PIAS2: variants seen among roughly 807,000 people sequenced by gnomAD.
PIAS2 encodes protein inhibitor of activated STAT 2.
A neutral mutation model predicts 69.7 loss-of-function variants in PIAS2; 19 were observed. That is an observed-to-expected ratio of 0.27 (90% CI 0.19 to 0.40). The LOEUF is 0.40. Ranked by LOEUF, PIAS2 falls within the 10% of genes least tolerant of loss-of-function variation. The pLI is 1.00. For synonymous variants in PIAS2, 261 were observed against 263.2 expected (o/e 0.99, Z 0.08); for missense variants, 624 against 757.0 (o/e 0.82, Z 2.06).
chr18:46,909,584 A>G (rs79655167), intron 1 of PIAS2, among the ~76,000 whole-genome samples: 2,314 of 152,358 alleles, frequency 0.015, 83 homozygotes, highest in East Asian at 0.14. Context: ...AGTAGATGTT[A>G]GCAAGAAAGC....
chr18:46,905,302 T>C (rs1302596204), intron 1 of PIAS2, among the ~76,000 whole-genome samples: 2 of 151,560 alleles, frequency 1.3e-5, no homozygotes, highest in African/African-American at 2.4e-5. Flanking sequence ...CAACGGAAAA[T>C]AGAAAAATAC....
chr18:46,900,997 TAAGG>T (rs1450689245), intron 1 of PIAS2: 1 of 387,936 alleles, frequency 2.6e-6, no homozygotes, highest in Non-Finnish European at 4.9e-6. Flanking sequence ...AAAATAAAAA[TAAGG>T]AAGAACTAAC....
At position 46,855,997 on chromosome 18, in the gene PIAS2, G is replaced by GTTTTTTTTTTTT. The variant is rs1171297653; in HGVS notation, c.585-394_585-383dup. 2.4e-4 allele frequency among the ~76,000 whole-genome samples: 16 copies of GTTTTTTTTTTTT among 67,962 alleles called. 3 individuals are homozygous for GTTTTTTTTTTTT. The highest frequency in any genetic ancestry group is 2.9e-4 in the Non-Finnish European group (11 of 37,730). The allele number at this position is 67,962 out of a possible 152,430, so 44.6% of individuals were successfully genotyped here. A position where few individuals can be genotyped will look rare whatever the true frequency, so the allele number is the denominator to read the frequency against. Reference sequence around the variant, plus strand: ...TTGAAGACTTTTTTCTTTTTCTTTTGTTTTTTTTTTTTTTTTTTTTTTTTT... The same window carrying GTTTTTTTTTTTT: ...TTGAAGACTTTTTTCTTTTTCTTTTGTTTTTTTTTTTTTTTTTTTTTTTTTTTTTTTTTTTTT... On this transcript the variant is annotated intron_variant, in intron 3 of 13. Coordinates refer to ENST00000585916, the MANE Select transcript of PIAS2 (RefSeq NM_004671.5).
chr18:46,818,130 A>G (rs1233074673), intron 12 of PIAS2: 1 of 1,078,738 alleles, frequency 9.3e-7, no homozygotes, highest in African/African-American at 1.6e-5. Flanking sequence ...TGTGAAATTG[A>G]CTCATTAGAT....
intron 9 of PIAS2, among the ~76,000 whole-genome samples, chr18:46,833,886 T>C (rs1018303726): frequency 2.6e-5 from 4 of 152,308 alleles, no homozygotes; most frequent in Admixed American, 2.6e-4. Flanking sequence ...TGGTTGAGAA[T>C]AATCTGGGTG....
intron 1 of PIAS2, chr18:46,908,072 A>C (rs1023920524): frequency 3.3e-5 from 5 of 152,158 alleles, no homozygotes; most frequent in African/African-American, 1.2e-4. Context: ...TCATCCAGCT[A>C]TAATTTCATT....
Position 46,806,253 on chromosome 18 carries a change from AC to A in PIAS2, c.*6179del, listed in dbSNP as rs1292174391. The A allele has an allele frequency of 1.3e-5, 2 of 151,278 alleles. No homozygotes were observed. The highest frequency in any genetic ancestry group is 1.3e-4 in the Admixed American group (2 of 15,152). The allele number at this position is 151,278 out of a possible 1,614,324, so 9.4% of individuals were successfully genotyped here. On this transcript the variant is annotated 3_prime_UTR_variant, in exon 14 of 14. Transcript: ENST00000585916. ...CTGTGACCTTGGGAAACTTACCTAA[AC>A]CTGTTTCATTTGTAAAATGGGGAAT...
intron 11 of PIAS2, among the ~76,000 whole-genome samples, chr18:46,823,466 T>C (rs1381760035): frequency 6.6e-6 from 1 of 152,190 alleles, no homozygotes; most frequent in African/African-American, 2.4e-5. Flanking sequence ...CCCTGACCCT[T>C]TGACTTACAT....
chr18:46,816,406 C>CA, intron 12 of PIAS2: 1 of 984,658 alleles, frequency 1.0e-6, no homozygotes, highest in Non-Finnish European at 1.2e-6. Context: ...CAAGCTATAG[C>CA]ACCAATCATT....
intron 3 of PIAS2, among the ~76,000 whole-genome samples, chr18:46,863,492 T>A (rs1393638096): frequency 6.6e-5 from 10 of 152,048 alleles, no homozygotes; most frequent in African/African-American, 2.4e-4. Context: ...AGAGACAGGG[T>A]TTCACCATGT....
Position 46,896,143 on chromosome 18 carries a change from T to C in PIAS2, c.25-5089A>G, listed in dbSNP as rs145833666. On this transcript the variant is annotated intron_variant, in intron 1 of 13. Transcript: ENST00000585916. ...ATAAACCAAAAGGGCTGGGGAAGCATTACAGGATAAAAAGAAAAAAGCAAA... is the reference window on the plus strand; with the variant it reads ...ATAAACCAAAAGGGCTGGGGAAGCACTACAGGATAAAAAGAAAAAAGCAAA... 1.4e-3 allele frequency among the ~76,000 whole-genome samples: 176 copies of C among 125,066 alleles called. 2 individuals carry two copies. In the East Asian group the frequency reaches 0.037, roughly 26 times the overall value. The allele number at this position is 125,066 out of a possible 152,430, so 82.0% of individuals were successfully genotyped here.
chr18:46,835,309 G>C (rs2044272744), intron 9 of PIAS2, among the ~76,000 whole-genome samples: 1 of 152,172 alleles, frequency 6.6e-6, no homozygotes, highest in Non-Finnish European at 1.5e-5. Context: ...GAGGTTCTTT[G>C]TGCTAGTGTT....
At chr18:46,822,910 A>G (rs947436272) in intron 11 of PIAS2, among the ~76,000 whole-genome samples, 2 of 152,094 alleles carry the variant, frequency 1.3e-5, no homozygotes, top group Non-Finnish European at 2.9e-5. Context: ...ATATATATAT[A>G]AAGTTTCATT....
chr18:46,878,972 T>G (rs1474093485), intron 2 of PIAS2, among the ~76,000 whole-genome samples: 1 of 152,244 alleles, frequency 6.6e-6, no homozygotes, highest in Admixed American at 6.5e-5. Flanking sequence ...CCAAGAGGTT[T>G]TTTAGGGAGT....
upstream of PIAS2, among the ~76,000 whole-genome samples, chr18:46,918,999 A>C (rs1247230979): frequency 3.4e-5 from 5 of 145,394 alleles, no homozygotes; most frequent in Admixed American, 1.3e-4. Context: ...GTGCGTGTAT[A>C]TATATATATG....
intron 12 of PIAS2, chr18:46,815,654 C>A: frequency 9.7e-7 from 1 of 1,030,960 alleles, no homozygotes; most frequent in Non-Finnish European, 1.2e-6. Context: ...GAATGAGAAG[C>A]AATAAAAATG....
At chr18:46,870,664 G>A (rs1247410056) in intron 2 of PIAS2, among the ~76,000 whole-genome samples, 2 of 133,896 alleles carry the variant, frequency 1.5e-5, no homozygotes, top group Non-Finnish European at 3.1e-5. Flanking sequence ...GTCATTATTA[G>A]ATGACCCATG....
rs55776913 is a variant in PIAS2, at chr18:46,859,427, CAAAAAAAAA to C, written c.585-3821_585-3813del. Among the ~76,000 whole-genome samples, 6 of 89,568 alleles carry C rather than the reference CAAAAAAAAA, an allele frequency of 6.7e-5. No individual in the cohort carries two copies. The Admixed American group carries it at 7.8e-4, about 12-fold the overall frequency. 58.8% of individuals were successfully genotyped at this position (89,568 alleles called of 152,430 possible). On this transcript the variant is annotated intron_variant, in intron 3 of 13. Transcript: ENST00000585916. ...TGGGTGACAGAGCGAGACTCCGTCT[CAAAAAAAAA>C]AAAAAAAAAAAAAAAAGAATCAATG... is the stretch of plus-strand genomic sequence containing the variant.
chr18:46,857,051 T>C (rs1042486265), intron 3 of PIAS2, among the ~76,000 whole-genome samples: 3 of 152,236 alleles, frequency 2.0e-5, no homozygotes, highest in Non-Finnish European at 2.9e-5. Context: ...TAACAACACA[T>C]GTCAAGTGCC....
Sources: gnomAD v4.1 joint callset for allele counts (sites outside exome capture counted in the v4.1 genomes callset) on GRCh38, gnomAD v4.1.1 for gene constraint, MANE v1.5 for transcripts, NCBI Gene and HGNC (gene_info 2026-07-23, HGNC 2026-07-21) for gene names.